OSBPL8: variants seen among roughly 807,000 people sequenced by gnomAD.
OSBPL8 encodes the protein oxysterol-binding protein-related protein 8.
Under a neutral mutation model 125.5 loss-of-function variants are expected in OSBPL8, and 59 were observed. That is an observed-to-expected ratio of 0.47 (90% CI 0.38 to 0.58). The LOEUF (loss-of-function observed/expected upper bound fraction) is 0.58, where lower values mean the gene tolerates loss of function less well. OSBPL8 is among the 20% of genes least tolerant of loss of function. OSBPL8 has a pLI of 0.00. For missense variants in OSBPL8, 758 were observed against 1,047.8 expected (o/e 0.72, Z 3.82); for synonymous variants, 330 against 338.9 (o/e 0.97, Z 0.29).
chr12:76,522,919 C>G (rs1332727142), intron 1 of OSBPL8, among the ~76,000 whole-genome samples: 1 of 152,152 alleles, frequency 6.6e-6, no homozygotes, highest in Non-Finnish European at 1.5e-5. Flanking sequence ...GTGATCTCAG[C>G]TCACTGTGAA....
intron 1 of OSBPL8, among the ~76,000 whole-genome samples, chr12:76,532,400 C>T (rs1950368684): frequency 6.6e-6 from 1 of 151,978 alleles, no homozygotes; most frequent in African/African-American, 2.4e-5. Flanking sequence ...AAATCATCTC[C>T]CTTCGTCACA....
chr12:76,538,655 C>T (rs1022456252), intron 1 of OSBPL8, among the ~76,000 whole-genome samples: 1 of 151,940 alleles, frequency 6.6e-6, no homozygotes, highest in Admixed American at 6.6e-5. Context: ...CTATATTATT[C>T]AGAACTTTGA....
At chr12:76,363,184 T>A (rs1952275178) in intron 21 of OSBPL8, among the ~76,000 whole-genome samples, 1 of 152,204 alleles carries the variant, frequency 6.6e-6, no homozygotes, top group African/African-American at 2.4e-5. Context: ...AAAACTACTT[T>A]AAATTTCACA....
chr12:76,382,038 T>C (rs1953079660), intron 15 of OSBPL8, among the ~76,000 whole-genome samples: 1 of 152,168 alleles, frequency 6.6e-6, no homozygotes, highest in Non-Finnish European at 1.5e-5. Context: ...CGCGGCCTAC[T>C]TTCCATTTAC....
chr12:76,478,525 C>T (rs1184775123), intron 2 of OSBPL8, among the ~76,000 whole-genome samples: 4 of 151,944 alleles, frequency 2.6e-5, no homozygotes, highest in Non-Finnish European at 4.4e-5. Context: ...AAAAAGCTAA[C>T]GCTTTCTCCA....
chr12:76,506,088 G>A (rs1307085728), intron 1 of OSBPL8, among the ~76,000 whole-genome samples: 1 of 152,138 alleles, frequency 6.6e-6, no homozygotes, highest in Non-Finnish European at 1.5e-5. Flanking sequence ...TGAATATGCA[G>A]CCAAAAGAAT....
chr12:76,442,121 T>C (rs1275618937), intron 4 of OSBPL8, among the ~76,000 whole-genome samples: 1 of 152,210 alleles, frequency 6.6e-6, no homozygotes, highest in Admixed American at 6.5e-5. Context: ...GTGTTCTTAA[T>C]GTTCACCTTT....
chr12:76,527,895 T>G (rs1950222232), intron 1 of OSBPL8, among the ~76,000 whole-genome samples: 1 of 152,202 alleles, frequency 6.6e-6, no homozygotes, highest in African/African-American at 2.4e-5. Context: ...TAACAGGCAG[T>G]CAGTGCTTTA....
At chr12:76,401,498 G>A (rs1368692445) in intron 6 of OSBPL8, among the ~76,000 whole-genome samples, 1 of 152,108 alleles carries the variant, frequency 6.6e-6, no homozygotes, top group African/African-American at 2.4e-5. Flanking sequence ...TGAAGTAGAA[G>A]TATTATTATC....
intron 1 of OSBPL8, among the ~76,000 whole-genome samples, chr12:76,514,078 G>T (rs1387094157): frequency 1.3e-5 from 2 of 152,006 alleles, no homozygotes; most frequent in Non-Finnish European, 2.9e-5. Context: ...TATATTTAGT[G>T]CTCCTTTCAA....
intron 1 of OSBPL8, among the ~76,000 whole-genome samples, chr12:76,550,408 T>C (rs1473778956): frequency 6.6e-6 from 1 of 152,254 alleles, no homozygotes; most frequent in East Asian, 1.9e-4. Flanking sequence ...CAACACTATT[T>C]ATTGGTTTTC....
At chr12:76,395,517 G>GA (rs1044731523) in intron 8 of OSBPL8, among the ~76,000 whole-genome samples, 1 of 151,636 alleles carries the variant, frequency 6.6e-6, no homozygotes, top group Non-Finnish European at 1.5e-5. Context: ...AACGAAAACA[G>GA]AAAAAAAATT....
intron 1 of OSBPL8, among the ~76,000 whole-genome samples, chr12:76,511,353 C>T (rs1880971370): frequency 6.6e-6 from 1 of 152,178 alleles, no homozygotes; most frequent in African/African-American, 2.4e-5. Context: ...AATTTACATT[C>T]CCACCAACAG....
intron 16 of OSBPL8, among the ~76,000 whole-genome samples, chr12:76,376,938 CCAATAGGTCT>C (rs1300093255): frequency 6.6e-6 from 1 of 152,120 alleles, no homozygotes. Context: ...CCCCCACCTC[CCAATAGGTCT>C]CAGTGTATGA....
At chr12:76,421,679 A>G (rs1869502873) in intron 4 of OSBPL8, among the ~76,000 whole-genome samples, 2 of 152,082 alleles carry the variant, frequency 1.3e-5, no homozygotes, top group South Asian at 2.1e-4. Context: ...CTTTGCCATC[A>G]TTATTAAATA....
chr12:76,453,220 T>C (rs1873627140), intron 3 of OSBPL8, among the ~76,000 whole-genome samples: 1 of 152,196 alleles, frequency 6.6e-6, no homozygotes, highest in South Asian at 2.1e-4. Context: ...CTATTGAAGG[T>C]GTCGCATCCT....
At chr12:76,538,766 G>A (rs560970910) in intron 1 of OSBPL8, among the ~76,000 whole-genome samples, 4 of 151,784 alleles carry the variant, frequency 2.6e-5, no homozygotes, top group Non-Finnish European at 4.4e-5. Flanking sequence ...TGGCCAACAC[G>A]GTGAAATCCC....
chr12:76,437,572 G>T (rs911917607), intron 4 of OSBPL8, among the ~76,000 whole-genome samples: 1 of 152,066 alleles, frequency 6.6e-6, no homozygotes, highest in Non-Finnish European at 1.5e-5. Flanking sequence ...GCACTGCAAC[G>T]CATCTCTACT....
chr12:76,525,260 T>C (rs947447899), intron 1 of OSBPL8, among the ~76,000 whole-genome samples: 2 of 152,188 alleles, frequency 1.3e-5, no homozygotes, highest in African/African-American at 4.8e-5. Context: ...TTTTACAGGA[T>C]AATATTTATA....
Sources: gnomAD v4.1 joint callset for allele counts (sites outside exome capture counted in the v4.1 genomes callset) on GRCh38, gnomAD v4.1.1 for gene constraint, MANE v1.5 for transcripts, NCBI Gene and HGNC (gene_info 2026-07-23, HGNC 2026-07-21) for gene names.